The following PDK1 variants were observed in gnomAD, a reference collection of about 807,000 sequenced individuals.
PDK1 encodes pyruvate dehydrogenase kinase 1, also known as [Pyruvate dehydrogenase (acetyl-transferring)] kinase isozyme 1, mitochondrial.
Under a neutral mutation model 54.2 loss-of-function variants are expected in PDK1, and 39 were observed. The ratio of observed to expected loss-of-function variants is 0.72; its 90% CI spans 0.56 to 0.94. The LOEUF (loss-of-function observed/expected upper bound fraction) is 0.94, where lower values mean the gene tolerates loss of function less well. Among genes scored for constraint, PDK1 ranks in the 40% least tolerant of loss-of-function variants. The probability of loss-of-function intolerance (pLI) is 0.00; values close to 1 mark genes in which losing one functional copy is unlikely to be tolerated. For missense variants in PDK1, 552 were observed against 566.0 expected (o/e 0.98, Z 0.25); for synonymous variants, 221 against 207.1 (o/e 1.07, Z -0.58).
the PDK1 span, among the ~76,000 whole-genome samples, chr2:172,678,492 G>C: frequency 6.6e-6 from 1 of 152,116 alleles, no homozygotes; most frequent in Non-Finnish European, 1.5e-5. Flanking sequence ...AGTACTATTT[G>C]ATTTAAAATA....
chr2:172,635,173 G>A, the PDK1 span, among the ~76,000 whole-genome samples: 1 of 152,136 alleles, frequency 6.6e-6, no homozygotes, highest in Non-Finnish European at 1.5e-5. Flanking sequence ...AGAAGCAGTA[G>A]GATTTACATG....
intron 9 of PDK1, among the ~76,000 whole-genome samples, chr2:172,587,205 T>A (rs541883974): frequency 6.6e-6 from 1 of 152,304 alleles, no homozygotes; most frequent in Admixed American, 6.5e-5. Context: ...ACCCTCGCAG[T>A]GTTACAGTTC....
rs1238095397 is a variant in PDK1 at position 172,580,030 on chromosome 2, CTT to C, written c.946-6244_946-6243del. On this transcript the variant is annotated intron_variant, in intron 8 of 10. Transcript: ENST00000282077. ...GAATCCTTATTTTTAAAATTAATCCCTTTTTAGAATTCTGCTCTAGTTTTATT... is the reference window on the plus strand; with the variant it reads ...GAATCCTTATTTTTAAAATTAATCCCTTTAGAATTCTGCTCTAGTTTTATT... Among the ~76,000 whole-genome samples, 3 of 151,902 alleles carry C rather than the reference CTT, an allele frequency of 2.0e-5. No individual in the cohort carries two copies. The East Asian group carries it at 5.8e-4, about 29-fold the overall frequency.
At chr2:172,647,616 G>A in the PDK1 span, among the ~76,000 whole-genome samples, 1 of 151,808 alleles carries the variant, frequency 6.6e-6, no homozygotes, top group Admixed American at 6.6e-5. Flanking sequence ...AATAAAGGAA[G>A]GAAAAGAGAC....
Position 172,597,721 on chromosome 2 carries a change from G to C in PDK1, c.*1752G>C, listed in dbSNP as rs1023528734. On this transcript the variant is annotated 3_prime_UTR_variant, in exon 11 of 11. Transcript: ENST00000282077. ...GTGTCATTTAGAGACTGTGTTGTTA[G>C]TTATCCCTCAACATCTTCTAAGGTG... The C allele has an allele frequency of 4.6e-5, 7 of 152,274 alleles. No homozygotes were observed. Among genetic ancestry groups the C allele is most frequent in the African/African-American group, 1.4e-4 (6 of 41,574 alleles). The allele number at this position is 152,274 out of a possible 1,614,324, so 9.4% of individuals were successfully genotyped here. A position where few individuals can be genotyped will look rare whatever the true frequency, so the allele number is the denominator to read the frequency against.
At chr2:172,623,514 C>T in the PDK1 span, among the ~76,000 whole-genome samples, 1 of 152,198 alleles carries the variant, frequency 6.6e-6, no homozygotes, top group Non-Finnish European at 1.5e-5. Context: ...TTTTATCGCT[C>T]ATGACTGGCA....
At chr2:172,668,399 A>G in the PDK1 span, among the ~76,000 whole-genome samples, 1 of 151,812 alleles carries the variant, frequency 6.6e-6, no homozygotes, top group Non-Finnish European at 1.5e-5. Context: ...CCCAGTAATG[A>G]TCTGTGAACC....
the PDK1 span, among the ~76,000 whole-genome samples, chr2:172,664,053 T>A: frequency 6.7e-6 from 1 of 150,368 alleles, no homozygotes; most frequent in Non-Finnish European, 1.5e-5. Flanking sequence ...GGCTCACACC[T>A]GTAATCCCAG....
At chr2:172,670,919 AC>A in the PDK1 span, among the ~76,000 whole-genome samples, 15 of 152,272 alleles carry the variant, frequency 9.9e-5, no homozygotes, top group South Asian at 3.1e-3. Context: ...AATTGGATGA[AC>A]TTTGTTAATA....
At position 172,593,034 on chromosome 2, in the gene PDK1, G is replaced by C. The variant is rs774198146; in HGVS notation, c.1156G>C (p.Val386Leu). Residue 386 changes from valine (V) to leucine (L), a missense_variant, in exon 10 of 11, where the codon GTT becomes CTT. By Grantham distance (32) the Val-to-Leu change is conservative. Transcript: ENST00000282077. ...CCTAGAGGGTTACGGGACAGATGCA[G>C]TTATCTACATTAAGGTAATAGCTGT... ...YSLEGYGTDAVIYIKALSTDS... is the reference protein window; with the variant it reads ...YSLEGYGTDALIYIKALSTDS... 6 of 1,546,136 alleles carry C rather than the reference G, an allele frequency of 3.9e-6. No individual in the cohort carries two copies. Among genetic ancestry groups the C allele is most frequent in the Non-Finnish European group, 5.4e-6 (6 of 1,118,658 alleles).
At chr2:172,703,251 C>T in the PDK1 span, among the ~76,000 whole-genome samples, 2 of 152,132 alleles carry the variant, frequency 1.3e-5, no homozygotes, top group Non-Finnish European at 2.9e-5. Context: ...TCCTCTAAAT[C>T]CTTTGAAGGA....
chr2:172,609,826 G>A (rs140013736), downstream of PDK1, among the ~76,000 whole-genome samples: 1 of 152,074 alleles, frequency 6.6e-6, no homozygotes, highest in African/African-American at 2.4e-5. Context: ...TACTTTTTTT[G>A]TTTTGTTTTG....
the PDK1 span, among the ~76,000 whole-genome samples, chr2:172,614,172 ACCC>A: frequency 0.18 from 24,174 of 133,426 alleles, 2,371 homozygotes; most frequent in African/African-American, 0.28. Context: ...CCCAGGAAGG[ACCC>A]CCCCCCCCAA....
chr2:172,697,545 C>A, the PDK1 span, among the ~76,000 whole-genome samples: 3 of 152,108 alleles, frequency 2.0e-5, no homozygotes, highest in Non-Finnish European at 4.4e-5. Context: ...AGCAGTGATG[C>A]TCTATGATCC....
At chr2:172,632,980 CA>C in the PDK1 span, among the ~76,000 whole-genome samples, 35 of 75,448 alleles carry the variant, frequency 4.6e-4, 1 homozygote, top group Middle Eastern at 8.6e-3. Flanking sequence ...GATTCTGTCT[CA>C]AAAAAAAAAA....
chr2:172,625,086 T>C, the PDK1 span, among the ~76,000 whole-genome samples: 1 of 152,012 alleles, frequency 6.6e-6, no homozygotes, highest in South Asian at 2.1e-4. Context: ...TATGAATGAC[T>C]GTGTGGAGCA....
At chr2:172,690,626 A>G in the PDK1 span, among the ~76,000 whole-genome samples, 1 of 150,250 alleles carries the variant, frequency 6.7e-6, no homozygotes, top group Non-Finnish European at 1.5e-5. Context: ...GATAGACTGG[A>G]TTAAGAAAAT....
At chr2:172,564,083 G>C (rs1436774803) in intron 3 of PDK1, 2 of 472,248 alleles carry the variant, frequency 4.2e-6, no homozygotes, top group Non-Finnish European at 8.8e-6. Flanking sequence ...GGCTTTATTG[G>C]CTCATTCATC....
At chr2:172,563,647 A>G (rs1194637428) in intron 3 of PDK1, among the ~76,000 whole-genome samples, 2 of 152,176 alleles carry the variant, frequency 1.3e-5, no homozygotes, top group Admixed American at 6.5e-5. Flanking sequence ...CAGCCTGACC[A>G]ACATGGAGAA....
Sources: allele counts gnomAD v4.1 joint callset (sites outside exome capture counted in the v4.1 genomes callset), GRCh38; gene constraint gnomAD v4.1.1; transcripts MANE v1.5; gene names NCBI Gene and HGNC (gene_info 2026-07-23, HGNC 2026-07-21).